The following KCNK18 variants were observed in gnomAD, a reference collection of about 807,000 sequenced individuals.
KCNK18 encodes potassium channel subfamily K member 18.
Under a neutral mutation model 11.8 loss-of-function variants are expected in KCNK18, and 8 were observed. That is an observed-to-expected ratio of 0.68 (90% confidence interval 0.40 to 1.22). KCNK18 has a LOEUF of 1.22. KCNK18 is among the 50% of genes most tolerant of loss of function. KCNK18 has a pLI of 0.01. For synonymous variants in KCNK18, 208 were observed against 185.8 expected (o/e 1.12, Z -0.97); for missense variants, 442 against 465.4 (o/e 0.95, Z 0.46).
chr10:117,203,180 T>C (rs1399148762), intron 2 of KCNK18, among the ~76,000 whole-genome samples: 1 of 151,988 alleles, frequency 6.6e-6, no homozygotes, highest in Admixed American at 6.6e-5. Flanking sequence ...CCTGGCCTTG[T>C]TCACCTGAAT....
intron 1 of KCNK18, 109 bp downstream of exon 1, chr10:117,197,820 A>AT: frequency 1.1e-6 from 1 of 881,266 alleles, no homozygotes; most frequent in Non-Finnish European, 1.8e-6. Flanking sequence ...GCCTGCCTGG[A>AT]TCCTCCTCAT....
At position 117,204,954 on chromosome 10, in the gene KCNK18, G is replaced by C. The variant is rs17095841; in HGVS notation, c.352+3667G>C. 8.1e-3 allele frequency among the ~76,000 whole-genome samples: 1,240 copies of C among 152,344 alleles called. 20 individuals carry two copies. Among genetic ancestry groups the C allele is most frequent in the African/African-American group, 0.028 (1,163 of 41,580 alleles). On this transcript the variant is annotated intron_variant, in intron 2 of 2. Coordinates refer to ENST00000334549, the MANE Select transcript of KCNK18 (RefSeq NM_181840.1). ...CAAGAAGGCAATGCTACTGCCCATTGTACGAGTCAATTAGGACATCATGCC... is the reference window on the plus strand; with the variant it reads ...CAAGAAGGCAATGCTACTGCCCATTCTACGAGTCAATTAGGACATCATGCC...
chr10:117,199,031 G>C (rs1436384767), intron 1 of KCNK18, among the ~76,000 whole-genome samples: 2 of 152,190 alleles, frequency 1.3e-5, no homozygotes, highest in Non-Finnish European at 2.9e-5. Context: ...AAGTTTCAAG[G>C]ATAAGGCCAA....
chr10:117,205,060 C>T (rs1293508282), intron 2 of KCNK18, among the ~76,000 whole-genome samples: 1 of 152,054 alleles, frequency 6.6e-6, no homozygotes, highest in Non-Finnish European at 1.5e-5. Flanking sequence ...GTTTGAAAGT[C>T]TCTCTGGTAA....
intron 2 of KCNK18, among the ~76,000 whole-genome samples, chr10:117,205,350 G>A (rs1014641401): frequency 9.9e-5 from 15 of 152,162 alleles, no homozygotes; most frequent in African/African-American, 3.6e-4. Flanking sequence ...TCCCTTTGTG[G>A]GGGTTGTGTG....
chr10:117,201,889 C>T (rs1456275842), intron 2 of KCNK18, among the ~76,000 whole-genome samples: 1 of 152,228 alleles, frequency 6.6e-6, no homozygotes, highest in Non-Finnish European at 1.5e-5. Context: ...AGGGCTCACT[C>T]TGAGCTGGCT....
intron 2 of KCNK18, among the ~76,000 whole-genome samples, chr10:117,204,459 T>C (rs3858331): frequency 0.067 from 10,120 of 152,074 alleles, 545 homozygotes; most frequent in Admixed American, 0.16. Context: ...CCACTGTCCC[T>C]ACCCATTATG....
At chr10:117,208,862 G>T (rs571763767) in intron 2 of KCNK18, among the ~76,000 whole-genome samples, 1 of 151,014 alleles carries the variant, frequency 6.6e-6, no homozygotes, top group East Asian at 2.0e-4. Flanking sequence ...TGCCTCAACC[G>T]CCTGAGAAGC....
At chr10:117,208,098 TTGAA>T (rs1298402560) in intron 2 of KCNK18, among the ~76,000 whole-genome samples, 1 of 152,100 alleles carries the variant, frequency 6.6e-6, no homozygotes, top group Non-Finnish European at 1.5e-5. Context: ...TTGTCTCTGA[TTGAA>T]TGGTCCTGCC....
At chr10:117,199,853 G>C (rs778154410) in intron 1 of KCNK18, among the ~76,000 whole-genome samples, 1 of 152,168 alleles carries the variant, frequency 6.6e-6, no homozygotes, top group East Asian at 1.9e-4. Context: ...TCTTAAAGCC[G>C]AACAAGTCTA....
At chr10:117,203,958 C>T (rs2429367) in intron 2 of KCNK18, among the ~76,000 whole-genome samples, 122,563 of 152,196 alleles carry the variant, frequency 0.81, 49,855 homozygotes, top group African/African-American at 0.89. Context: ...TGGGATTATA[C>T]GCTGATCCAC....
At position 117,201,228 on chromosome 10, in the gene KCNK18, CCA is replaced by C. The variant is rs1262485872; in HGVS notation, c.299_300del (p.His100LeufsTer64). 4 of 1,614,026 alleles carry C rather than the reference CCA, an allele frequency of 2.5e-6. No individual in the cohort carries two copies. In the African/African-American group the frequency reaches 5.3e-5, roughly 22 times the overall value. ...GTGAAGCCTCAGTGGTTTAACAGGA[CCA>C]CACACTGGTCCTTCCTGAGCTCGCT... On this transcript the variant is annotated frameshift_variant, in exon 2 of 3. Transcript: ENST00000334549. LOFTEE classifies it high-confidence loss of function.
At chr10:117,204,192 G>A (rs1395737776) in intron 2 of KCNK18, among the ~76,000 whole-genome samples, 1 of 149,328 alleles carries the variant, frequency 6.7e-6, no homozygotes, top group African/African-American at 2.5e-5. Context: ...AGCCCTGGAG[G>A]TTGAGACTGC....
At chr10:117,198,646 G>C (rs952928218) in intron 1 of KCNK18, among the ~76,000 whole-genome samples, 1 of 152,202 alleles carries the variant, frequency 6.6e-6, no homozygotes, top group African/African-American at 2.4e-5. Flanking sequence ...TAAAAGTCAG[G>C]AGAAGAATGG....
At chr10:117,200,331 G>C (rs184631509) in intron 1 of KCNK18, among the ~76,000 whole-genome samples, 22 of 152,238 alleles carry the variant, frequency 1.4e-4, no homozygotes, top group Non-Finnish European at 3.1e-4. Flanking sequence ...GCCCACCTTA[G>C]CCCTCCAAAG....
intron 2 of KCNK18, among the ~76,000 whole-genome samples, chr10:117,204,318 G>A (rs1283424001): frequency 6.6e-6 from 1 of 151,548 alleles, no homozygotes; most frequent in East Asian, 1.9e-4. Flanking sequence ...ATGCATCTGA[G>A]GCAGGATTTC....
rs1855075789 is a variant in KCNK18 at position 117,206,329 on chromosome 10, C to T, written c.353-3168C>T. 2.0e-5 allele frequency among the ~76,000 whole-genome samples: 3 copies of T among 152,136 alleles called. No individual in the cohort carries two copies. In the South Asian group the frequency reaches 6.2e-4, roughly 31 times the overall value. Reference sequence around the variant, plus strand: ...GTGGCCACATCACTCTTGTCTCTGCCTCTGAGGTCATATTACCTCCTCTTC... The same window carrying T: ...GTGGCCACATCACTCTTGTCTCTGCTTCTGAGGTCATATTACCTCCTCTTC... On this transcript the variant is annotated intron_variant, in intron 2 of 2. Transcript: ENST00000334549.
intron 1 of KCNK18, among the ~76,000 whole-genome samples, chr10:117,200,561 C>A (rs112409773): frequency 0.067 from 10,176 of 152,138 alleles, 559 homozygotes; most frequent in Admixed American, 0.16. Context: ...TAATCCCAGC[C>A]CTTTGGGAGG....
At chr10:117,200,642 C>A (rs1445807452) in intron 1 of KCNK18, among the ~76,000 whole-genome samples, 1 of 152,006 alleles carries the variant, frequency 6.6e-6, no homozygotes, top group Admixed American at 6.5e-5. Context: ...CCCGTCTCAA[C>A]TAAATATACA....
Sources: allele counts gnomAD v4.1 joint callset (sites outside exome capture counted in the v4.1 genomes callset), GRCh38; gene constraint gnomAD v4.1.1; transcripts MANE v1.5; gene names NCBI Gene and HGNC (gene_info 2026-07-23, HGNC 2026-07-21).